Variants in TENM3 observed in about 807,000 individuals in gnomAD.
The protein encoded by TENM3 is teneurin-3.
TENM3 carries 63 observed loss-of-function variants against 255.1 expected under a neutral mutation model. The ratio of observed to expected loss-of-function variants is 0.25; its 90% CI spans 0.20 to 0.30. The LOEUF is 0.30. TENM3 is among the 10% of genes least tolerant of loss of function. The probability of loss-of-function intolerance (pLI) is 1.00; values close to 1 mark genes in which losing one functional copy is unlikely to be tolerated. For missense variants in TENM3, 2,929 were observed against 3,461.1 expected, an observed-to-expected ratio of 0.85 and a Z score of 3.86; for synonymous variants, 1,306 against 1,322.3, an observed-to-expected ratio of 0.99 and a Z score of 0.27.
At chr4:182,652,350 C>T (rs969138059) in intron 5 of TENM3, among the ~76,000 whole-genome samples, 1 of 152,118 alleles carries the variant, frequency 6.6e-6, no homozygotes, top group Admixed American at 6.5e-5. Flanking sequence ...TGAGGGGTGC[C>T]GTGGTCTAGT....
the TENM3 span, among the ~76,000 whole-genome samples, chr4:182,021,961 C>T: frequency 7.2e-5 from 11 of 152,180 alleles, no homozygotes; most frequent in East Asian, 1.5e-3. Flanking sequence ...ACTAGTTCAG[C>T]CCCTCTGGAA....
At chr4:181,614,136 A>G in the TENM3 span, among the ~76,000 whole-genome samples, 1 of 152,132 alleles carries the variant, frequency 6.6e-6, no homozygotes, top group Non-Finnish European at 1.5e-5. Flanking sequence ...TAATATTATA[A>G]ATATTGATAA....
At chr4:182,229,763 T>C (rs1479657303) in intron 1 of TENM3, among the ~76,000 whole-genome samples, 3 of 152,178 alleles carry the variant, frequency 2.0e-5, no homozygotes. Flanking sequence ...TAGAGCTTAA[T>C]TTCCATTTCT....
At chr4:181,704,115 C>A in the TENM3 span, among the ~76,000 whole-genome samples, 2 of 152,150 alleles carry the variant, frequency 1.3e-5, no homozygotes, top group African/African-American at 4.8e-5. Flanking sequence ...AAAATAACTC[C>A]ATGCTTCCAT....
intron 1 of TENM3, among the ~76,000 whole-genome samples, chr4:182,212,535 T>A (rs1215028132): frequency 6.6e-6 from 1 of 152,040 alleles, no homozygotes; most frequent in South Asian, 2.1e-4. Context: ...AAAAAAAAAT[T>A]TATGTCAAGT....
the TENM3 span, among the ~76,000 whole-genome samples, chr4:181,477,076 ATT>A: frequency 3.4e-5 from 5 of 148,956 alleles, no homozygotes; most frequent in Admixed American, 1.3e-4. Context: ...TCATTCATTC[ATT>A]CATTCATTCA....
intron 1 of TENM3, among the ~76,000 whole-genome samples, chr4:182,164,196 TG>T (rs931647087): frequency 2.6e-5 from 4 of 152,168 alleles, no homozygotes; most frequent in Admixed American, 2.0e-4. Flanking sequence ...TGCTCTTGCA[TG>T]TCTCAGGCTC....
intron 1 of TENM3, among the ~76,000 whole-genome samples, chr4:182,199,158 C>T (rs1479432271): frequency 6.6e-6 from 1 of 152,042 alleles, no homozygotes; most frequent in Admixed American, 6.6e-5. Context: ...CAGTACTATA[C>T]CTGAAGAATC....
chr4:182,578,254 CG>C (rs1411945735), intron 3 of TENM3, among the ~76,000 whole-genome samples: 4 of 152,172 alleles, frequency 2.6e-5, no homozygotes, highest in African/African-American at 9.6e-5. Flanking sequence ...GGATTACAGG[CG>C]TGAGCCACCA....
At chr4:181,551,281 G>C in the TENM3 span, among the ~76,000 whole-genome samples, 10 of 151,564 alleles carry the variant, frequency 6.6e-5, no homozygotes, top group Non-Finnish European at 1.2e-4. Flanking sequence ...AAGTAAAAAT[G>C]CATCCTGAGA....
At chr4:182,314,964 C>A (rs1312124479) in intron 1 of TENM3, among the ~76,000 whole-genome samples, 1 of 152,204 alleles carries the variant, frequency 6.6e-6, no homozygotes, top group South Asian at 2.1e-4. Flanking sequence ...GTTTCAGTGC[C>A]CTGTTTAGGG....
the TENM3 span, among the ~76,000 whole-genome samples, chr4:181,934,376 C>T: frequency 6.6e-6 from 1 of 152,072 alleles, no homozygotes; most frequent in Non-Finnish European, 1.5e-5. Context: ...AGTGTTTATC[C>T]TCAGCAAATG....
the TENM3 span, among the ~76,000 whole-genome samples, chr4:181,830,266 TTTTG>T: frequency 2.0e-5 from 3 of 152,036 alleles, no homozygotes; most frequent in African/African-American, 7.2e-5. Context: ...TTTTTTGTTT[TTTTG>T]TTTGTTTGTT....
At chr4:182,220,128 G>A (rs1755756576) in intron 1 of TENM3, among the ~76,000 whole-genome samples, 1 of 152,140 alleles carries the variant, frequency 6.6e-6, no homozygotes, top group Non-Finnish European at 1.5e-5. Flanking sequence ...CGAAATCCCA[G>A]CACTTTGGGA....
chr4:182,556,569 T>G (rs1742608036), intron 3 of TENM3, among the ~76,000 whole-genome samples: 1 of 152,194 alleles, frequency 6.6e-6, no homozygotes, highest in South Asian at 2.1e-4. Flanking sequence ...AACTTTATAT[T>G]TAGAGAATGG....
At chr4:182,698,121 G>T (rs1757570941) in intron 12 of TENM3, 1 of 152,152 alleles carries the variant, frequency 6.6e-6, no homozygotes, top group Non-Finnish European at 1.5e-5. Context: ...CTTTCGCTCA[G>T]TGTTCCACAG....
At chr4:182,200,025 G>A (rs561106052) in intron 1 of TENM3, among the ~76,000 whole-genome samples, 20 of 152,098 alleles carry the variant, frequency 1.3e-4, no homozygotes, top group African/African-American at 3.9e-4. Flanking sequence ...GTGCCCAGCC[G>A]CATATTTTAA....
At chr4:181,571,359 C>T in the TENM3 span, among the ~76,000 whole-genome samples, 1 of 152,100 alleles carries the variant, frequency 6.6e-6, no homozygotes, top group Non-Finnish European at 1.5e-5. Context: ...TTTTTAAAGA[C>T]AGGGTCTCAC....
At chr4:181,576,372 T>C in the TENM3 span, among the ~76,000 whole-genome samples, 1 of 152,234 alleles carries the variant, frequency 6.6e-6, no homozygotes, top group Non-Finnish European at 1.5e-5. Flanking sequence ...GTTGATTCCA[T>C]TTCTTTGCTG....
Sources: allele counts gnomAD v4.1 joint callset (sites outside exome capture counted in the v4.1 genomes callset), GRCh38; gene constraint gnomAD v4.1.1; transcripts MANE v1.5; gene names NCBI Gene and HGNC (gene_info 2026-07-23, HGNC 2026-07-21).